The following PEBP4 variants were observed in gnomAD, a reference collection of about 807,000 sequenced individuals.
PEBP4 encodes the protein phosphatidylethanolamine-binding protein 4.
In PEBP4, 22 loss-of-function variants were observed where a neutral mutation model predicts 23.9. That is an observed-to-expected ratio of 0.92 (90% CI 0.66 to 1.31). The LOEUF (loss-of-function observed/expected upper bound fraction) is 1.31. PEBP4 is among the 40% of genes most tolerant of loss of function. The probability of loss-of-function intolerance (pLI) is 0.00; values close to 1 mark genes in which losing one functional copy is unlikely to be tolerated. For missense variants in PEBP4, 324 were observed against 281.7 expected, an observed-to-expected ratio of 1.15 and a Z score of -1.07; for synonymous variants, 112 against 99.3, an observed-to-expected ratio of 1.13 and a Z score of -0.76.
intron 3 of PEBP4, among the ~76,000 whole-genome samples, chr8:22,903,025 C>T (rs938188722): frequency 1.8e-4 from 27 of 152,160 alleles, no homozygotes; most frequent in Admixed American, 1.8e-3. Context: ...CTTGTAATAG[C>T]CTGACGGGCC....
At chr8:22,782,981 C>T (rs1805957890) in intron 4 of PEBP4, among the ~76,000 whole-genome samples, 1 of 152,226 alleles carries the variant, frequency 6.6e-6, no homozygotes, top group African/African-American at 2.4e-5. Flanking sequence ...GAACAGCAAT[C>T]CCGGGAGGTT....
At chr8:22,849,220 G>A (rs996642736) in intron 3 of PEBP4, among the ~76,000 whole-genome samples, 8 of 144,394 alleles carry the variant, frequency 5.5e-5, no homozygotes, top group Non-Finnish European at 1.0e-4. Context: ...CCTTTAGAAG[G>A]TAATTATTCT....
chr8:22,772,898 C>A (rs1805744067), intron 4 of PEBP4, among the ~76,000 whole-genome samples: 1 of 152,206 alleles, frequency 6.6e-6, no homozygotes, highest in African/African-American at 2.4e-5. Flanking sequence ...CCACCAGAAC[C>A]CACCTGCCTC....
intron 3 of PEBP4, among the ~76,000 whole-genome samples, chr8:22,908,385 C>CA (rs1388030515): frequency 2.8e-5 from 4 of 142,402 alleles, no homozygotes; most frequent in Non-Finnish European, 6.2e-5. Context: ...AACAAACAAA[C>CA]AAACAAACAA....
chr8:22,725,012 G>C, intron 5 of PEBP4, 56 bp from the exon 6 acceptor site: 1 of 1,452,474 alleles, frequency 6.9e-7, no homozygotes, highest in South Asian at 1.1e-5. Context: ...ACCGAGGGCA[G>C]AGCTCTCTGC....
At chr8:22,830,146 T>TGTGTGTGTGTGTGTG (rs56204367) in intron 3 of PEBP4, among the ~76,000 whole-genome samples, 7 of 150,724 alleles carry the variant, frequency 4.6e-5, no homozygotes, top group South Asian at 2.1e-4. Flanking sequence ...TGTGTGTGTG[T>TGTGTGTGTGTGTGTG]TTTTACGGAG....
chr8:22,927,768 T>C, intron 1 of PEBP4, 48 bp from the exon 2 acceptor site: 1 of 1,607,950 alleles, frequency 6.2e-7, no homozygotes, highest in Non-Finnish European at 8.5e-7. Context: ...GCAGGGGCCT[T>C]CCTGCCCACT....
At position 22,860,148 on chromosome 8, in the gene PEBP4, T is replaced by TTATATATACACATATATATGTATA. The variant is rs1563240282; in HGVS notation, c.259-42437_259-42414dup. On this transcript the variant is annotated intron_variant, in intron 3 of 6. Transcript: ENST00000256404. Reference sequence around the variant, plus strand: ...AAAAAAAAAAGAAAAAGAAAAAAAATTATATATACACATATATATGTATAT... The same window carrying TTATATATACACATATATATGTATA: ...AAAAAAAAAAGAAAAAGAAAAAAAATTATATATACACATATATATGTATATATATATACACATATATATGTATAT... Among the ~76,000 whole-genome samples, 35 of 105,310 alleles carry TTATATATACACATATATATGTATA rather than the reference T, an allele frequency of 3.3e-4. 2 individuals carry two copies. The highest frequency in any genetic ancestry group is 7.1e-4 in the African/African-American group (20 of 28,210). 69.1% of individuals were successfully genotyped at this position (105,310 alleles called of 152,430 possible).
chr8:22,877,785 A>G (rs753919105), intron 3 of PEBP4, among the ~76,000 whole-genome samples: 57 of 152,208 alleles, frequency 3.7e-4, no homozygotes, highest in Non-Finnish European at 6.6e-4. Flanking sequence ...AGCTGCTTAC[A>G]TAAACACTGC....
Position 22,743,290 on chromosome 8 carries a change from G to GA in PEBP4, c.358-16071dup, listed in dbSNP as rs1169900892. The stretch of plus-strand genomic sequence containing the variant: ...GACCTCCTTCCCAGAAGCAGAAGCA[G>GA]AGCTCCCTTTGGGGGAGAAACCCCC... On this transcript the variant is annotated intron_variant, in intron 4 of 6. Transcript: ENST00000256404. Among the ~76,000 whole-genome samples the GA allele has an allele frequency of 8.8e-4, 134 of 152,342 alleles. 1 individual carries two copies. Among genetic ancestry groups the GA allele is most frequent in the African/African-American group, 3.1e-3 (127 of 41,576 alleles).
intron 3 of PEBP4, chr8:22,879,196 A>G (rs1032679249): frequency 3.3e-5 from 5 of 152,220 alleles, no homozygotes; most frequent in Non-Finnish European, 5.9e-5. Context: ...AGGCCACAGA[A>G]CGAGAGTGTG....
chr8:22,746,471 T>A (rs1263612636), intron 4 of PEBP4, among the ~76,000 whole-genome samples: 1 of 152,100 alleles, frequency 6.6e-6, no homozygotes, highest in Non-Finnish European at 1.5e-5. Context: ...TTTGGTCAGA[T>A]CTCAGCCAGA....
At chr8:22,739,050 G>A (rs947322321) in intron 4 of PEBP4, among the ~76,000 whole-genome samples, 13 of 152,156 alleles carry the variant, frequency 8.5e-5, no homozygotes, top group African/African-American at 3.1e-4. Context: ...CCCCTGGCAG[G>A]GGGCCAGGAC....
intron 4 of PEBP4, among the ~76,000 whole-genome samples, chr8:22,741,614 C>T (rs1438975801): frequency 6.6e-6 from 1 of 152,164 alleles, no homozygotes; most frequent in Non-Finnish European, 1.5e-5. Flanking sequence ...GCAAGTGACC[C>T]AGCGGAACCT....
intron 3 of PEBP4, among the ~76,000 whole-genome samples, chr8:22,872,458 G>A (rs775223700): frequency 1.3e-5 from 2 of 152,236 alleles, no homozygotes; most frequent in Admixed American, 6.5e-5. Flanking sequence ...CTGTGCAGTG[G>A]AACCTGCTCT....
At chr8:22,751,867 C>T (rs1805274907) in intron 4 of PEBP4, among the ~76,000 whole-genome samples, 1 of 152,076 alleles carries the variant, frequency 6.6e-6, no homozygotes. Flanking sequence ...CTCTTCTCAT[C>T]ACCAGCCACC....
At chr8:22,851,134 C>A (rs1049442227) in intron 3 of PEBP4, among the ~76,000 whole-genome samples, 1 of 152,202 alleles carries the variant, frequency 6.6e-6, no homozygotes, top group Non-Finnish European at 1.5e-5. Flanking sequence ...GGATCTTGCC[C>A]TGGGTGACAG....
chr8:22,856,532 C>A (rs1344681879), intron 3 of PEBP4, among the ~76,000 whole-genome samples: 1 of 152,172 alleles, frequency 6.6e-6, no homozygotes, highest in Non-Finnish European at 1.5e-5. Flanking sequence ...GCCAGGCCAA[C>A]ATGGCGAAAC....
chr8:22,889,663 GTTTTTATAAAGTGCAGAAA>G (rs1808452624), intron 3 of PEBP4, among the ~76,000 whole-genome samples: 4 of 8,160 alleles, frequency 4.9e-4, no homozygotes, highest in Non-Finnish European at 1.6e-3. Context: ...TCTACCGTAT[GTTTTTATAAAGTGCAGAAA>G]TATGTTTTTA....
Sources: gnomAD v4.1 joint callset for allele counts (sites outside exome capture counted in the v4.1 genomes callset) on GRCh38, gnomAD v4.1.1 for gene constraint, MANE v1.5 for transcripts, NCBI Gene and HGNC (gene_info 2026-07-23, HGNC 2026-07-21) for gene names.